Variants in ADGB observed in about 807,000 individuals in gnomAD.
The protein encoded by ADGB is androglobin.
A neutral mutation model predicts 210.5 loss-of-function variants in ADGB; 172 were observed. The observed-to-expected ratio is 0.82, with a 90% confidence interval of 0.72 to 0.93. The LOEUF is 0.93. Ranked by LOEUF, ADGB falls within the 40% of genes least tolerant of loss-of-function variation. ADGB has a pLI of 0.00. For synonymous variants in ADGB, 658 were observed against 662.7 expected, an observed-to-expected ratio of 0.99 and a Z score of 0.11; for missense variants, 2,025 against 1,964.8, an observed-to-expected ratio of 1.03 and a Z score of -0.58.
intron 2 of ADGB, among the ~76,000 whole-genome samples, chr6:146,638,602 T>G: frequency 4.1e-4 from 2 of 4,820 alleles, no homozygotes; most frequent in Non-Finnish European, 6.6e-4. Context: ...TGGGGCCTGT[T>G]GTGGGGTGGG....
chr6:146,745,904 A>C lies in ADGB; in HGVS notation c.3178-18A>C. On this transcript the variant is annotated intron_variant, in intron 25 of 35. Transcript: ENST00000397944. ...ATAACGACATAATTCATTTCTGTGT[A>C]ATTTGTCTTTCTTATAGAAGGGATA... 6.6e-7 allele frequency: 1 copy of C among 1,523,118 alleles called. No homozygotes were observed. The highest frequency in any genetic ancestry group is 8.9e-7 in the Non-Finnish European group (1 of 1,128,878). The allele number at this position is 1,523,118 out of a possible 1,614,324, so 94.4% of individuals were successfully genotyped here.
intron 12 of ADGB, among the ~76,000 whole-genome samples, chr6:146,696,043 A>G (rs141691611): frequency 5.9e-5 from 9 of 152,180 alleles, no homozygotes; most frequent in African/African-American, 2.2e-4. Flanking sequence ...TACAAAAGCA[A>G]TATTTCTTAA....
intron 12 of ADGB, among the ~76,000 whole-genome samples, chr6:146,700,008 C>T (rs955990655): frequency 6.6e-6 from 1 of 152,186 alleles, no homozygotes; most frequent in Admixed American, 6.5e-5. Context: ...CTGCTTGAAT[C>T]TGTTATTAGT....
chr6:146,664,390 A>ATTAACTATACAT, intron 6 of ADGB, 50 bp downstream of exon 6: 1 of 1,496,382 alleles, frequency 6.7e-7, no homozygotes, highest in Non-Finnish European at 8.9e-7. Flanking sequence ...AAACAAAAAC[A>ATTAACTATACAT]TTAACTATAC....
At chr6:146,638,334 GC>G (rs1221819415) in intron 2 of ADGB, among the ~76,000 whole-genome samples, 1 of 151,850 alleles carries the variant, frequency 6.6e-6, no homozygotes, top group Non-Finnish European at 1.5e-5. Context: ...TGTTCTTATA[GC>G]AAAGACTTGG....
At chr6:146,798,414 G>A in intron 33 of ADGB, among the ~76,000 whole-genome samples, 1 of 152,144 alleles carries the variant, frequency 6.6e-6, no homozygotes. Context: ...GGTAATACAA[G>A]CGGATTTCCT....
Position 146,664,434 on chromosome 6 carries a change from G to A in ADGB, c.752+94G>A, listed in dbSNP as rs372652480. The A allele has an allele frequency of 6.2e-6, 8 of 1,282,618 alleles. No individual in the cohort carries two copies. The African/African-American group carries it at 1.2e-4, about 20-fold the overall frequency. 79.5% of individuals were successfully genotyped at this position (1,282,618 alleles called of 1,614,324 possible). A position where few individuals can be genotyped will look rare whatever the true frequency, so the allele number is the denominator to read the frequency against. ...TGCATAATTTATTTTTTTAAAATTAGCTAAAAGACAGCTTTTTCCCCTAAA... is the reference window on the plus strand; with the variant it reads ...TGCATAATTTATTTTTTTAAAATTAACTAAAAGACAGCTTTTTCCCCTAAA... On this transcript the variant is annotated intron_variant, in intron 6 of 35. Transcript: ENST00000397944.
intron 5 of ADGB, among the ~76,000 whole-genome samples, chr6:146,661,662 A>G (rs1324458648): frequency 6.6e-6 from 1 of 152,030 alleles, no homozygotes; most frequent in African/African-American, 2.4e-5. Context: ...TTTTTAAGTA[A>G]ATATTTTAAC....
At chr6:146,615,535 CCTT>C (rs1780785845) in intron 1 of ADGB, among the ~76,000 whole-genome samples, 1 of 152,154 alleles carries the variant, frequency 6.6e-6, no homozygotes, top group Admixed American at 6.5e-5. Context: ...AAAACTTACT[CCTT>C]CTATCTAACT....
intron 33 of ADGB, among the ~76,000 whole-genome samples, chr6:146,798,289 A>G (rs1037866368): frequency 5.9e-5 from 9 of 152,222 alleles, no homozygotes; most frequent in African/African-American, 2.2e-4. Context: ...CCATTTGTTT[A>G]CTTATTTAAC....
chr6:146,769,098 G>A lies in ADGB; in HGVS notation c.3829G>A (p.Ala1277Thr). The A allele has an allele frequency of 1.3e-6, 2 of 1,527,612 alleles. No individual in the cohort carries two copies. Among genetic ancestry groups the A allele is most frequent in the East Asian group, 2.5e-5 (1 of 40,794 alleles). 94.6% of individuals were successfully genotyped at this position (1,527,612 alleles called of 1,614,324 possible). Residue 1277 changes from alanine to threonine, a missense_variant, in exon 29 of 36, where the codon GCA (alanine) becomes ACA (threonine). By Grantham distance (58) the Ala-to-Thr change is moderately conservative (BLOSUM62 0). Transcript: ENST00000397944. ...LTESQLTFVQALKDLKKSNTK... is the reference protein window; with the variant it reads ...LTESQLTFVQTLKDLKKSNTK... The stretch of plus-strand genomic sequence containing the variant: ...TGAAAGCCAGCTGACATTTGTTCAA[G>A]CACTGAAAGACTTAAAGAAAAGTAA...
intron 10 of ADGB, among the ~76,000 whole-genome samples, chr6:146,688,887 CA>C (rs2114919442): frequency 6.6e-6 from 1 of 152,088 alleles, no homozygotes; most frequent in South Asian, 2.1e-4. Flanking sequence ...GTAAGATCAG[CA>C]GGTAAAATAA....
intron 17 of ADGB, among the ~76,000 whole-genome samples, chr6:146,723,412 T>C (rs879573904): frequency 2.0e-5 from 3 of 152,186 alleles, no homozygotes; most frequent in Non-Finnish European, 2.9e-5. Flanking sequence ...TATTTCTACA[T>C]AATGTCAAAG....
intron 8 of ADGB, among the ~76,000 whole-genome samples, chr6:146,674,550 C>T (rs181599713): frequency 1.4e-4 from 21 of 152,102 alleles, no homozygotes; most frequent in Non-Finnish European, 2.2e-4. Flanking sequence ...GGTGGGTAAA[C>T]GGGTTTGGTA....
intron 29 of ADGB, among the ~76,000 whole-genome samples, chr6:146,779,575 C>T (rs141686729): frequency 3.3e-5 from 5 of 152,090 alleles, no homozygotes; most frequent in African/African-American, 1.2e-4. Context: ...AGAAGTGGCT[C>T]ATCACATACA....
At chr6:146,800,782 G>A (rs775555184) in intron 33 of ADGB, among the ~76,000 whole-genome samples, 3 of 152,062 alleles carry the variant, frequency 2.0e-5, no homozygotes, top group Non-Finnish European at 4.4e-5. Context: ...TCCCAAGCCC[G>A]GTAGTACTTA....
intron 29 of ADGB, among the ~76,000 whole-genome samples, chr6:146,772,645 A>G (rs1777667453): frequency 6.8e-6 from 1 of 147,656 alleles, no homozygotes; most frequent in African/African-American, 2.5e-5. Flanking sequence ...CATATGAAAT[A>G]TATTTGCCTA....
intron 29 of ADGB, among the ~76,000 whole-genome samples, chr6:146,780,413 T>C (rs1442426586): frequency 6.6e-6 from 1 of 152,174 alleles, no homozygotes; most frequent in African/African-American, 2.4e-5. Flanking sequence ...AATGGCTGAA[T>C]GGCCAACAAA....
intron 13 of ADGB, among the ~76,000 whole-genome samples, chr6:146,702,625 A>G (rs1409006705): frequency 1.3e-5 from 2 of 151,906 alleles, no homozygotes; most frequent in African/African-American, 4.8e-5. Context: ...TTTCTACTCA[A>G]AATTAAATAA....
Sources: gnomAD v4.1 joint callset for allele counts (sites outside exome capture counted in the v4.1 genomes callset) on GRCh38, gnomAD v4.1.1 for gene constraint, MANE v1.5 for transcripts, NCBI Gene and HGNC (gene_info 2026-07-23, HGNC 2026-07-21) for gene names.